PRDM11: variants seen among roughly 807,000 people sequenced by gnomAD.
The protein encoded by PRDM11 is PR domain-containing protein 11.
PRDM11 carries 20 observed loss-of-function variants against 97.8 expected under a neutral mutation model. That is an observed-to-expected ratio of 0.20 (90% CI 0.14 to 0.30). PRDM11 has a LOEUF of 0.30. PRDM11 is among the 10% of genes least tolerant of loss of function. PRDM11 has a pLI of 1.00. For synonymous variants in PRDM11, 599 were observed against 637.7 expected (o/e 0.94, Z 0.91); for missense variants, 1,139 against 1,555.2 (o/e 0.73, Z 4.50).
chr11:45,108,539 C>T lies in PRDM11; in HGVS notation c.96+12638C>T, dbSNP rs73464510. Among the ~76,000 whole-genome samples the T allele has an allele frequency of 4.5e-3, 684 of 152,348 alleles. 7 individuals are homozygous for T. Among genetic ancestry groups the T allele is most frequent in the African/African-American group, 0.015 (614 of 41,580 alleles). On this transcript the variant is annotated intron_variant, in intron 1 of 6. Coordinates refer to the PRDM11 transcript ENST00000530656. The stretch of plus-strand genomic sequence containing the variant: ...GGCTGGCATTTCCTGCTGGGGCCCA[C>T]GGATCCCTTGCTCAGCCTGGGCTCT...
upstream of PRDM11, among the ~76,000 whole-genome samples, chr11:45,143,548 T>C (rs1002798201): frequency 1.3e-5 from 2 of 152,108 alleles, no homozygotes; most frequent in African/African-American, 2.4e-5. Context: ...ATTAAGGAAA[T>C]ATTTCACCAC....
chr11:45,222,861 C>T (rs3758720), intron 6 of PRDM11, among the ~76,000 whole-genome samples: 17,283 of 152,242 alleles, frequency 0.11, 1,398 homozygotes, highest in Admixed American at 0.27. Flanking sequence ...TCACCTAGGG[C>T]CCCTGCACCT....
intron 5 of PRDM11, among the ~76,000 whole-genome samples, chr11:45,215,436 G>A (rs566383306): frequency 6.6e-6 from 1 of 152,324 alleles, no homozygotes; most frequent in South Asian, 2.1e-4. Context: ...TCCGAGAGAT[G>A]CAAAGATGTC....
intron 1 of PRDM11, among the ~76,000 whole-genome samples, chr11:45,125,415 C>A (rs1590357353): frequency 6.6e-6 from 1 of 152,126 alleles, no homozygotes; most frequent in Non-Finnish European, 1.5e-5. Flanking sequence ...TTTTCTAGTT[C>A]TTTTAATTGT....
chr11:45,171,825 C>T (rs577467350), intron 1 of PRDM11, among the ~76,000 whole-genome samples: 1 of 152,330 alleles, frequency 6.6e-6, no homozygotes, highest in Admixed American at 6.5e-5. Context: ...GCACCTCAAC[C>T]GTGTCAGTTA....
intron 1 of PRDM11, among the ~76,000 whole-genome samples, chr11:45,167,639 A>T (rs978293552): frequency 6.6e-6 from 1 of 152,134 alleles, no homozygotes; most frequent in African/African-American, 2.4e-5. Flanking sequence ...AATTACCTAT[A>T]TCACTAGCAG....
At chr11:45,213,956 G>A (rs2135826260) in intron 5 of PRDM11, 1 of 348,250 alleles carries the variant, frequency 2.9e-6, no homozygotes. Flanking sequence ...CTCTGCTTCT[G>A]CCTCAGCTGT....
Position 45,224,240 on chromosome 11 carries a change from A to T in PRDM11, c.766A>T (p.Lys256Ter). 1 of 1,596,226 alleles carries T rather than the reference A, an allele frequency of 6.3e-7. No homozygotes were observed. Among genetic ancestry groups the T allele is most frequent in the Non-Finnish European group, 8.5e-7 (1 of 1,172,720 alleles). The change falls in exon 7 of 8, where the codon AAG becomes TAG. Residue 256 changes from lysine (K) to a stop codon, truncating the protein, a stop_gained. Coordinates refer to ENST00000683152, the MANE Select transcript of PRDM11 (RefSeq NM_001384648.1). LOFTEE classifies it high-confidence loss of function. ...ARGEKRLQREKSEQVLDNPED... is the reference protein window; with the variant it reads ...ARGEKRLQRE The stretch of plus-strand genomic sequence containing the variant: ...AGGAGAGAAGAGGTTGCAGAGGGAG[A>T]AGTCTGAGCAGGTTCTGGATAACCC...
intron 1 of PRDM11, among the ~76,000 whole-genome samples, chr11:45,101,316 G>A (rs1041795406): frequency 6.6e-6 from 1 of 152,152 alleles, no homozygotes; most frequent in Non-Finnish European, 1.5e-5. Context: ...CCAACACTTT[G>A]GGAGGCCGAG....
intron 1 of PRDM11, among the ~76,000 whole-genome samples, chr11:45,101,343 G>A (rs989820034): frequency 3.3e-5 from 5 of 152,094 alleles, no homozygotes; most frequent in Admixed American, 2.0e-4. Context: ...AGATCACGAG[G>A]TCAGGAGATC....
At chr11:45,095,306 C>G (rs1367249581), upstream of PRDM11, among the ~76,000 whole-genome samples, 1 of 152,154 alleles carries the variant, frequency 6.6e-6, no homozygotes, top group Non-Finnish European at 1.5e-5. Context: ...CCCCTCCACA[C>G]CCACCTCCTC....
At position 45,224,519 on chromosome 11, in the gene PRDM11, A is replaced by G. The variant is rs535252257; in HGVS notation, c.1045A>G (p.Met349Val). The G allele has an allele frequency of 8.7e-6, 14 of 1,614,046 alleles. No individual in the cohort carries two copies. Among genetic ancestry groups the G allele is most frequent in the African/African-American group, 5.3e-5 (4 of 75,038 alleles). The part of the protein sequence containing the change: ...DDAYSQCATT[M>V]THGVQNIGQT... ...CGCCTACAGTCAGTGTGCAACAACA[A>G]TGACCCATGGTGTGCAGAATATAGG... Residue 349 changes from methionine to valine, a missense_variant, in exon 7 of 8, where the codon ATG (methionine) becomes GTG (valine). Met to Val is a conservative substitution (Grantham distance 21, BLOSUM62 1). Coordinates refer to ENST00000683152, the MANE Select transcript of PRDM11 (RefSeq NM_001384648.1).
At position 45,226,464 on chromosome 11, in the gene PRDM11, G is replaced by A. The variant is rs772365827; in HGVS notation, c.1839G>A (p.Ala613=). The A allele has an allele frequency of 3.6e-5, 55 of 1,533,962 alleles. 1 individual carries two copies. The highest frequency in any genetic ancestry group is 3.0e-4 in the South Asian group (25 of 83,968). Residue 613 remains alanine (A), a synonymous_variant, in exon 8 of 8, where the codon GCG becomes GCA. Coordinates refer to ENST00000683152, the MANE Select transcript of PRDM11 (RefSeq NM_001384648.1). ...CCTACCTGGACTTCCGGCCCCTGGCGGAGCTGCTGAGGAAGTGTGAGCTCA... is the reference window on the plus strand; with the variant it reads ...CCTACCTGGACTTCCGGCCCCTGGCAGAGCTGCTGAGGAAGTGTGAGCTCA... The part of the protein sequence containing the change: ...GRPYLDFRPL[A]ELLRKCELKV...
intron 4 of PRDM11, among the ~76,000 whole-genome samples, chr11:45,194,124 C>T (rs1853014095): frequency 1.3e-5 from 2 of 152,164 alleles, no homozygotes; most frequent in Non-Finnish European, 2.9e-5. Context: ...AAAGGTGGTA[C>T]GGATGGCTGA....
At chr11:45,104,449 G>A (rs138391155) in intron 1 of PRDM11, among the ~76,000 whole-genome samples, 1 of 152,224 alleles carries the variant, frequency 6.6e-6, no homozygotes, top group African/African-American at 2.4e-5. Flanking sequence ...TGCCCTTCCT[G>A]CTGCTCAAGG....
At chr11:45,168,958 G>T (rs146975345) in intron 1 of PRDM11, among the ~76,000 whole-genome samples, 1 of 152,142 alleles carries the variant, frequency 6.6e-6, no homozygotes, top group African/African-American at 2.4e-5. Flanking sequence ...GTGGCTGACC[G>T]GGTACTTGGA....
intron 4 of PRDM11, among the ~76,000 whole-genome samples, chr11:45,188,221 T>A (rs1458636853): frequency 6.6e-6 from 1 of 152,254 alleles, no homozygotes; most frequent in Non-Finnish European, 1.5e-5. Context: ...ACTATGTGTC[T>A]GGGTCTGTGC....
chr11:45,098,992 C>T (rs914973181), intron 1 of PRDM11, among the ~76,000 whole-genome samples: 3 of 152,052 alleles, frequency 2.0e-5, no homozygotes, highest in African/African-American at 7.2e-5. Context: ...TGGAAAATGG[C>T]TGATAGTGTA....
At position 45,226,102 on chromosome 11, in the gene PRDM11, C is replaced by A; in HGVS notation, c.1477C>A (p.Pro493Thr). Reference sequence around the variant, plus strand: ...TGATATGATGACAGCGACGGATGAGCCCTCCAAGATGTCATCGGCCACCGG... The same window carrying A: ...TGATATGATGACAGCGACGGATGAGACCTCCAAGATGTCATCGGCCACCGG... ...SNDMMTATDE[P>T]SKMSSATGRR... The change falls in exon 8 of 8, where the codon CCC becomes ACC. Residue 493 changes from proline to threonine, a missense_variant. Physicochemically the swap from Pro to Thr is conservative, Grantham distance 38. This residue lies in a region of PRDM11 where 710 missense variants were observed against 1,044.9 expected (regional missense o/e 0.68). Coordinates refer to ENST00000683152, the MANE Select transcript of PRDM11 (RefSeq NM_001384648.1). 6.5e-7 allele frequency: 1 copy of A among 1,532,644 alleles called. No individual in the cohort carries two copies. The highest frequency in any genetic ancestry group is 2.4e-5 in the East Asian group (1 of 40,834). 94.9% of individuals were successfully genotyped at this position (1,532,644 alleles called of 1,614,324 possible). A position where few individuals can be genotyped will look rare whatever the true frequency, so the allele number is the denominator to read the frequency against.
Sources: gnomAD v4.1 joint callset for allele counts (sites outside exome capture counted in the v4.1 genomes callset) on GRCh38, gnomAD v4.1.1 for gene constraint, gnomAD v4.1.1 regional missense constraint, MANE v1.5 for transcripts, NCBI Gene and HGNC (gene_info 2026-07-23, HGNC 2026-07-21) for gene names.